SLC12A3: variants seen among roughly 807,000 people sequenced by gnomAD.
SLC12A3 encodes the protein solute carrier family 12 member 3.
In SLC12A3, 104 loss-of-function variants were observed where a neutral mutation model predicts 121.0. The ratio of observed to expected loss-of-function variants is 0.86; its 90% CI spans 0.73 to 1.01. The LOEUF (loss-of-function observed/expected upper bound fraction) is 1.01. Ranked by LOEUF, SLC12A3 falls within the 50% of genes least tolerant of loss-of-function variation. The probability of loss-of-function intolerance (pLI) is 0.00; values close to 1 mark genes in which losing one functional copy is unlikely to be tolerated. For synonymous variants in SLC12A3, 536 were observed against 533.4 expected, an observed-to-expected ratio of 1.00 and a Z score of -0.07; for missense variants, 1,328 against 1,356.3, an observed-to-expected ratio of 0.98 and a Z score of 0.33.
intron 24 of SLC12A3, chr16:56,904,177 C>A: frequency 1.9e-6 from 1 of 529,904 alleles, no homozygotes. Context: ...CAAGGAAAAG[C>A]CACAGAATGC....
chr16:56,908,425 G>A (rs1281634162), intron 25 of SLC12A3, among the ~76,000 whole-genome samples: 1 of 152,222 alleles, frequency 6.6e-6, no homozygotes, highest in East Asian at 1.9e-4. Context: ...GATTACAGGC[G>A]TGAGCCACGG....
chr16:56,868,748 G>C (rs2144686139), intron 3 of SLC12A3, among the ~76,000 whole-genome samples: 2 of 152,270 alleles, frequency 1.3e-5, no homozygotes, highest in Middle Eastern at 6.8e-3. Flanking sequence ...GAGGCAGGTG[G>C]ATCACGAGGT....
chr16:56,893,569 G>A (rs1467561725), intron 21 of SLC12A3, among the ~76,000 whole-genome samples: 1 of 152,132 alleles, frequency 6.6e-6, no homozygotes, highest in East Asian at 1.9e-4. Context: ...CCCCAGGTAG[G>A]AGCTGTCATG....
chr16:56,877,343 C>T (rs573951140), intron 8 of SLC12A3, among the ~76,000 whole-genome samples: 44 of 151,942 alleles, frequency 2.9e-4, no homozygotes, highest in Non-Finnish European at 5.4e-4. Context: ...TTGCAGTGAG[C>T]CGAGATCATG....
At chr16:56,868,801 C>T (rs1964421055) in intron 3 of SLC12A3, among the ~76,000 whole-genome samples, 1 of 152,058 alleles carries the variant, frequency 6.6e-6, no homozygotes. Context: ...GAAACCCTGT[C>T]TCTACTAAAA....
At chr16:56,894,469 C>T in intron 21 of SLC12A3, 62 bp from the exon 22 acceptor site, 1 of 1,210,302 alleles carries the variant, frequency 8.3e-7, no homozygotes, top group South Asian at 1.3e-5. Flanking sequence ...GGGGCAGGAA[C>T]TCACATAGTG....
At chr16:56,866,883 C>T (rs1424845766) in intron 1 of SLC12A3, among the ~76,000 whole-genome samples, 187 bp from the exon 2 acceptor site, 1 of 152,240 alleles carries the variant, frequency 6.6e-6, no homozygotes, top group African/African-American at 2.4e-5. Flanking sequence ...GCTTTTACTA[C>T]AGGCGTGAGC....
chr16:56,905,042 TAAG>T (rs1191956439), intron 25 of SLC12A3, among the ~76,000 whole-genome samples: 5 of 152,098 alleles, frequency 3.3e-5, no homozygotes, highest in Non-Finnish European at 5.9e-5. Flanking sequence ...CTGAGGCCTG[TAAG>T]AAGAACATGA....
chr16:56,872,711 C>T lies in SLC12A3; in HGVS notation c.1020C>T (p.Phe340=). The change falls in exon 8 of 26, where the codon TTC becomes TTT. Residue 340 remains phenylalanine (F), a synonymous_variant. Coordinates refer to ENST00000563236, the MANE Select transcript of SLC12A3 (RefSeq NM_001126108.2). ...ACTGGCGGGGTCCAGATGGCACCTT[C>T]TTCGGAATGTTCTCCATCTTCTTCC... ...VPDWRGPDGT[F]FGMFSIFFPS... 1 of 1,614,266 alleles carries T rather than the reference C, an allele frequency of 6.2e-7. No homozygotes were observed. Among genetic ancestry groups the T allele is most frequent in the South Asian group, 1.1e-5 (1 of 91,092 alleles).
intron 18 of SLC12A3, among the ~76,000 whole-genome samples, chr16:56,889,906 G>A (rs1443536865): frequency 6.6e-6 from 1 of 152,182 alleles, no homozygotes; most frequent in Non-Finnish European, 1.5e-5. Flanking sequence ...GTGACCATGG[G>A]CAAGTTACTC....
At position 56,877,110 on chromosome 16, in the gene SLC12A3, G is replaced by A. The variant is rs569664395; in HGVS notation, c.1096-967G>A. Among the ~76,000 whole-genome samples the A allele has an allele frequency of 5.3e-5, 8 of 152,320 alleles. No individual in the cohort carries two copies. The East Asian group carries it at 1.2e-3, about 22-fold the overall frequency. ...TGATCACTGTTAAGAAAATACGAGC[G>A]GCCGGGCGCGGGGGCTCACGCCTGT... On this transcript the variant is annotated intron_variant, in intron 8 of 25. Transcript: ENST00000563236.
chr16:56,901,345 C>CTTTTTTTTTT (rs1408480661), intron 23 of SLC12A3, among the ~76,000 whole-genome samples: 90 of 84,136 alleles, frequency 1.1e-3, no homozygotes, highest in African/African-American at 5.4e-3. Context: ...ATCTCTCTCT[C>CTTTTTTTTTT]TCTTTTTTTT....
intron 25 of SLC12A3, chr16:56,906,759 T>A: frequency 1.3e-6 from 1 of 740,888 alleles, no homozygotes; most frequent in Non-Finnish European, 2.2e-6. Flanking sequence ...TGGCATGATT[T>A]ATGATTCCTT....
intron 25 of SLC12A3, among the ~76,000 whole-genome samples, chr16:56,908,064 G>T (rs2055630820): frequency 6.7e-6 from 1 of 150,078 alleles, no homozygotes; most frequent in African/African-American, 2.5e-5. Flanking sequence ...CTGCCCCTGG[G>T]ACTCAGTATT....
intron 1 of SLC12A3, among the ~76,000 whole-genome samples, chr16:56,866,143 A>C (rs1271678041): frequency 6.6e-6 from 1 of 151,234 alleles, no homozygotes; most frequent in African/African-American, 2.4e-5. Context: ...GCACCACCAC[A>C]CCCAGCTAAT....
intron 22 of SLC12A3, among the ~76,000 whole-genome samples, chr16:56,896,031 C>A (rs9939280): frequency 2.6e-5 from 4 of 151,950 alleles, no homozygotes; most frequent in Non-Finnish European, 5.9e-5. Flanking sequence ...GATAAAGCTG[C>A]ATTCACTGCC....
chr16:56,882,364 A>C (rs1397295133), intron 12 of SLC12A3, 32 bp from the exon 13 acceptor site: 1 of 1,579,122 alleles, frequency 6.3e-7, no homozygotes, highest in East Asian at 2.2e-5. Context: ...GTTGCCCAAC[A>C]GGCTGTCCTC....
rs985436074 is a variant in SLC12A3, at chr16:56,881,423, C to T, written c.1568-973C>T. ...CATTTCCCTGCAATGTACCCTGATG[C>T]AGATTCGATGTCCTTTCATCTGGGG... On this transcript the variant is annotated intron_variant, in intron 12 of 25. Transcript: ENST00000563236. 2.1e-4 allele frequency among the ~76,000 whole-genome samples: 32 copies of T among 150,588 alleles called. 1 individual carries two copies. Among genetic ancestry groups the T allele is most frequent in the Non-Finnish European group, 2.9e-5 (2 of 67,866 alleles).
At chr16:56,874,730 G>A (rs1210745678) in intron 8 of SLC12A3, among the ~76,000 whole-genome samples, 4 of 152,168 alleles carry the variant, frequency 2.6e-5, no homozygotes, top group Admixed American at 6.5e-5. Flanking sequence ...GCTAGAACCC[G>A]GAAGGCGGAG....
Sources: allele counts gnomAD v4.1 joint callset (sites outside exome capture counted in the v4.1 genomes callset), GRCh38; gene constraint gnomAD v4.1.1; transcripts MANE v1.5; gene names NCBI Gene and HGNC (gene_info 2026-07-23, HGNC 2026-07-21).